KCNN2: variants seen among roughly 807,000 people sequenced by gnomAD.
KCNN2 encodes potassium calcium-activated channel subfamily N member 2.
In KCNN2, 24 loss-of-function variants were observed where a neutral mutation model predicts 55.5. The observed-to-expected ratio is 0.43, with a 90% CI of 0.31 to 0.61. The LOEUF (loss-of-function observed/expected upper bound fraction) is 0.61, where lower values mean the gene tolerates loss of function less well. Among genes scored for constraint, KCNN2 ranks in the 20% least tolerant of loss-of-function variants. The pLI is 0.08. For synonymous variants in KCNN2, 431 were observed against 336.1 expected, an observed-to-expected ratio of 1.28 and a Z score of -3.09; for missense variants, 754 against 853.6, an observed-to-expected ratio of 0.88 and a Z score of 1.45.
intron 3 of KCNN2, among the ~76,000 whole-genome samples, chr5:114,421,755 A>G (rs544548975): frequency 4.7e-4 from 71 of 151,424 alleles, no homozygotes; most frequent in African/African-American, 1.6e-3. Context: ...GATTACAGGC[A>G]CCCGCCACCA....
At chr5:114,451,464 AG>A (rs1266031662) in intron 3 of KCNN2, among the ~76,000 whole-genome samples, 3 of 152,186 alleles carry the variant, frequency 2.0e-5, no homozygotes, top group East Asian at 1.9e-4. Context: ...GAGAGAGAAA[AG>A]GGGTTAGCTT....
chr5:114,449,740 AT>A (rs894404113), intron 3 of KCNN2, among the ~76,000 whole-genome samples: 59 of 150,256 alleles, frequency 3.9e-4, no homozygotes, highest in African/African-American at 9.8e-4. Flanking sequence ...ATCCACAGGG[AT>A]TTTTTTTTTC....
At chr5:114,352,915 C>T (rs1757235853) in intron 2 of KCNN2, among the ~76,000 whole-genome samples, 1 of 151,814 alleles carries the variant, frequency 6.6e-6, no homozygotes, top group Non-Finnish European at 1.5e-5. Flanking sequence ...TTGGTTTATA[C>T]TGCTGTTAAC....
intron 1 of KCNN2, among the ~76,000 whole-genome samples, chr5:114,130,634 G>A (rs192444338): frequency 8.5e-5 from 13 of 152,162 alleles, no homozygotes; most frequent in African/African-American, 3.1e-4. Context: ...CTGTTTTTGT[G>A]CCTATAGTCC....
At chr5:114,365,127 A>G (rs1757562974) in intron 2 of KCNN2, among the ~76,000 whole-genome samples, 1 of 152,220 alleles carries the variant, frequency 6.6e-6, no homozygotes, top group Admixed American at 6.5e-5. Context: ...AATGATGCCC[A>G]GACAAAATAG....
At chr5:114,211,813 C>T (rs990329839) in intron 1 of KCNN2, among the ~76,000 whole-genome samples, 1 of 151,964 alleles carries the variant, frequency 6.6e-6, no homozygotes, top group African/African-American at 2.4e-5. Context: ...TCTATCCTTA[C>T]TACTTGTAGA....
chr5:114,385,519 GCACACACACA>G (rs10548694), intron 2 of KCNN2, among the ~76,000 whole-genome samples: 116 of 143,354 alleles, frequency 8.1e-4, no homozygotes, highest in Admixed American at 1.3e-3. Flanking sequence ...ACACATGCGC[GCACACACACA>G]CACACACACA....
chr5:114,056,254 T>C (rs1750204084), exon 1 of KCNN2: 1 of 396,772 alleles, frequency 2.5e-6, no homozygotes, highest in Non-Finnish European at 4.4e-6. Context: ...TCCCCGAAGC[T>C]GGGGAGCCGG....
chr5:114,132,364 C>G (rs1008992407), intron 1 of KCNN2, among the ~76,000 whole-genome samples: 1 of 152,080 alleles, frequency 6.6e-6, no homozygotes, highest in Non-Finnish European at 1.5e-5. Context: ...GCCAGTTCTC[C>G]CAGCTCCATT....
chr5:114,495,918 G>A lies in KCNN2; in HGVS notation c.2112G>A (p.Met704Ile), dbSNP rs2150145382. 1 of 1,613,844 alleles carries A rather than the reference G, an allele frequency of 6.2e-7. No individual in the cohort carries two copies. Among genetic ancestry groups the A allele is most frequent in the Non-Finnish European group, 8.5e-7 (1 of 1,179,814 alleles). Residue 704 changes from methionine (M) to isoleucine (I), a missense_variant, in exon 8 of 8, where the codon ATG becomes ATA. By Grantham distance (10) the Met-to-Ile change is conservative. Transcript: ENST00000673685. ...LAKTQNIMYD[M>I]ISDLNERSED... ...AGACCCAGAACATCATGTATGATAT[G>A]ATTTCTGACTTAAACGAAAGGAGTG...
intron 2 of KCNN2, among the ~76,000 whole-genome samples, chr5:114,305,334 CAGGCAGGCCA>C (rs1404157827): frequency 6.6e-6 from 1 of 152,180 alleles, no homozygotes; most frequent in Non-Finnish European, 1.5e-5. Context: ...CTCTGGAATG[CAGGCAGGCCA>C]AGGCAGGCTG....
chr5:114,281,133 G>A (rs956736309), intron 2 of KCNN2, among the ~76,000 whole-genome samples: 19 of 152,096 alleles, frequency 1.2e-4, no homozygotes, highest in African/African-American at 4.3e-4. Flanking sequence ...CTTCTACTCA[G>A]GTTTTGCCTT....
At chr5:114,229,958 T>C (rs933086512) in intron 2 of KCNN2, among the ~76,000 whole-genome samples, 1 of 152,142 alleles carries the variant, frequency 6.6e-6, no homozygotes, top group Non-Finnish European at 1.5e-5. Context: ...GAAGCCTTTC[T>C]TTTTTTGCTT....
Position 114,460,806 on chromosome 5 carries a change from A to G in KCNN2, c.1638-2243A>G, listed in dbSNP as rs148799305. 6.6e-4 allele frequency among the ~76,000 whole-genome samples: 101 copies of G among 152,370 alleles called. No individual in the cohort carries two copies. The East Asian group carries it at 0.019, about 28-fold the overall frequency. On this transcript the variant is annotated intron_variant, in intron 3 of 7. Transcript: ENST00000673685. ...AACACTCAGTAAGTATGGTATGTAC[A>G]TACATATGCATCATGGAACCAGAGC...
intron 2 of KCNN2, among the ~76,000 whole-genome samples, chr5:114,276,078 C>T (rs1055654439): frequency 2.6e-5 from 4 of 152,092 alleles, no homozygotes; most frequent in Non-Finnish European, 4.4e-5. Context: ...GCCTTCATTT[C>T]GTTATGTATC....
chr5:114,164,329 C>G (rs1444206619), intron 1 of KCNN2, among the ~76,000 whole-genome samples: 2 of 151,994 alleles, frequency 1.3e-5, no homozygotes, highest in Admixed American at 6.6e-5. Flanking sequence ...CTTTAACTGA[C>G]CTAGGTTTAT....
At chr5:114,129,608 G>C (rs897898961) in intron 1 of KCNN2, among the ~76,000 whole-genome samples, 7 of 152,142 alleles carry the variant, frequency 4.6e-5, no homozygotes, top group African/African-American at 1.7e-4. Flanking sequence ...ATGGTGTTCT[G>C]TGTACCCATC....
At chr5:114,399,287 C>T (rs1437746153) in intron 2 of KCNN2, among the ~76,000 whole-genome samples, 2 of 151,938 alleles carry the variant, frequency 1.3e-5, no homozygotes, top group Non-Finnish European at 2.9e-5. Flanking sequence ...CTTTTCTGCA[C>T]GTATTGGTGA....
intron 4 of KCNN2, among the ~76,000 whole-genome samples, chr5:114,472,333 T>C (rs983367179): frequency 6.6e-6 from 1 of 152,188 alleles, no homozygotes; most frequent in Non-Finnish European, 1.5e-5. Context: ...ACAGAGTCTC[T>C]TTTTCAAGAG....
Sources: gnomAD v4.1 joint callset for allele counts (sites outside exome capture counted in the v4.1 genomes callset) on GRCh38, gnomAD v4.1.1 for gene constraint, MANE v1.5 for transcripts, NCBI Gene and HGNC (gene_info 2026-07-23, HGNC 2026-07-21) for gene names.